OTOP1: variants seen among roughly 807,000 people sequenced by gnomAD.
The protein encoded by OTOP1 is otopetrin 1.
OTOP1 carries 59 observed loss-of-function variants against 52.9 expected under a neutral mutation model. The observed-to-expected ratio is 1.12, with a 90% CI of 0.91 to 1.39. The LOEUF (loss-of-function observed/expected upper bound fraction) is 1.39, where lower values mean the gene tolerates loss of function less well. Among genes scored for constraint, OTOP1 ranks in the 40% most tolerant of loss-of-function variants. The probability of loss-of-function intolerance (pLI) is 0.00; values close to 1 mark genes in which losing one functional copy is unlikely to be tolerated. For missense variants in OTOP1, 761 were observed against 800.9 expected (o/e 0.95, Z 0.60); for synonymous variants, 317 against 337.7 (o/e 0.94, Z 0.67).
chr4:4,202,586 A>T lies in OTOP1; in HGVS notation c.600-8T>A, dbSNP rs1716814229. On this transcript the variant is annotated splice_polypyrimidine_tract_variant and splice_region_variant and intron_variant, in intron 3 of 5. Coordinates refer to ENST00000296358, the MANE Select transcript of OTOP1 (RefSeq NM_177998.3). Reference sequence around the variant, plus strand: ...GAGTGGATCACTCCAAACCTGAAAAACACAAGGACTCAGTTCTCAAGCAGC... The same window carrying T: ...GAGTGGATCACTCCAAACCTGAAAATCACAAGGACTCAGTTCTCAAGCAGC... The T allele has an allele frequency of 2.5e-6, 4 of 1,613,312 alleles. 1 individual carries two copies. Among genetic ancestry groups the T allele is most frequent in the South Asian group, 1.1e-5 (1 of 91,070 alleles).
chr4:4,201,824 C>T (rs944016776), intron 4 of OTOP1, among the ~76,000 whole-genome samples: 89 of 152,242 alleles, frequency 5.8e-4, no homozygotes, highest in Non-Finnish European at 1.0e-3. Flanking sequence ...ACCTGAGACA[C>T]CCAGTTCCCT....
chr4:4,226,427 A>G, intron 1 of OTOP1, 35 bp downstream of exon 1: 1 of 1,392,004 alleles, frequency 7.2e-7, no homozygotes, highest in Non-Finnish European at 9.3e-7. Flanking sequence ...GCGGGCGAGG[A>G]GGCGGAGACC....
At chr4:4,196,888 C>G (rs1003712443) in intron 5 of OTOP1, among the ~76,000 whole-genome samples, 1 of 152,146 alleles carries the variant, frequency 6.6e-6, no homozygotes, top group Non-Finnish European at 1.5e-5. Context: ...CACATGTCCT[C>G]TCTTATAAGT....
intron 2 of OTOP1, among the ~76,000 whole-genome samples, chr4:4,211,906 C>T (rs987012780): frequency 1.1e-4 from 16 of 152,192 alleles, no homozygotes; most frequent in Non-Finnish European, 1.3e-4. Flanking sequence ...TAATGGACAA[C>T]GTGAAGACTA....
intron 5 of OTOP1, among the ~76,000 whole-genome samples, chr4:4,195,673 A>G (rs1716608533): frequency 6.6e-6 from 1 of 152,202 alleles, no homozygotes; most frequent in Non-Finnish European, 1.5e-5. Flanking sequence ...GATTCTCATG[A>G]GATAATTAAA....
At chr4:4,189,584 C>T (rs753170050) in intron 5 of OTOP1, among the ~76,000 whole-genome samples, 2 of 152,190 alleles carry the variant, frequency 1.3e-5, no homozygotes, top group African/African-American at 2.4e-5. Flanking sequence ...GTCCCCACCC[C>T]TTGAGTGTGG....
At chr4:4,201,481 C>CACACACACACAT (rs1479935164) in intron 4 of OTOP1, among the ~76,000 whole-genome samples, 2 of 150,982 alleles carry the variant, frequency 1.3e-5, no homozygotes, top group African/African-American at 4.9e-5. Context: ...TACACACACA[C>CACACACACACAT]ACACACACAC....
chr4:4,200,164 T>G (rs1341387005), intron 4 of OTOP1, among the ~76,000 whole-genome samples: 1 of 152,202 alleles, frequency 6.6e-6, no homozygotes, highest in East Asian at 1.9e-4. Flanking sequence ...CACTTTGTCA[T>G]TGTTTTAGTT....
chr4:4,197,175 G>A lies in OTOP1; in HGVS notation c.1659C>T (p.Cys553=). 1 of 1,602,502 alleles carries A rather than the reference G, an allele frequency of 6.2e-7. No homozygotes were observed. Among genetic ancestry groups the A allele is most frequent in the Non-Finnish European group, 8.5e-7 (1 of 1,173,430 alleles). Residue 553 remains cysteine, a synonymous_variant, in exon 5 of 6, where the codon TGC becomes TGT. Transcript: ENST00000296358. The part of the protein sequence containing the change: ...LRNIAAFLFL[C]NISLWIPPAF... ...ACTTGGTGCAGATTACCGAAATATT[G>A]CAGAGGAACAAGAAGGCTGCAATAT...
chr4:4,195,579 C>T (rs1716606815), intron 5 of OTOP1, among the ~76,000 whole-genome samples: 1 of 152,190 alleles, frequency 6.6e-6, no homozygotes. Flanking sequence ...AGCACCACAC[C>T]ACCCAAGTGA....
At position 4,206,897 on chromosome 4, in the gene OTOP1, C is replaced by T. The variant is rs370782872; in HGVS notation, c.541-767G>A. Among the ~76,000 whole-genome samples, 196 of 152,304 alleles carry T rather than the reference C, an allele frequency of 1.3e-3. 3 individuals carry two copies. In the South Asian group the frequency reaches 0.038, roughly 29 times the overall value. Reference sequence around the variant, plus strand: ...TCTCCACTGTTAACTCACTAATTTACTGAAATTGTCTGAGCTCCTCCTATA... The same window carrying T: ...TCTCCACTGTTAACTCACTAATTTATTGAAATTGTCTGAGCTCCTCCTATA... On this transcript the variant is annotated intron_variant, in intron 2 of 5. Coordinates refer to ENST00000296358, the MANE Select transcript of OTOP1 (RefSeq NM_177998.3).
Position 4,215,450 on chromosome 4 carries a change from T to A in OTOP1, c.404-2446A>T, listed in dbSNP as rs1339210771. On this transcript the variant is annotated intron_variant, in intron 1 of 5. Transcript: ENST00000296358. ...GCTGAGGCGGGTGGATCACCTGAGGTTGGGAGTTCGAGAGCAGCCTGACCA... is the reference window on the plus strand; with the variant it reads ...GCTGAGGCGGGTGGATCACCTGAGGATGGGAGTTCGAGAGCAGCCTGACCA... 2.0e-5 allele frequency among the ~76,000 whole-genome samples: 3 copies of A among 151,934 alleles called. No homozygotes were observed. In the South Asian group the frequency reaches 6.2e-4, roughly 32 times the overall value.
rs1368148744 is a variant in OTOP1, at chr4:4,205,600, G to A, written c.599+472C>T. On this transcript the variant is annotated intron_variant, in intron 3 of 5. Transcript: ENST00000296358. ...TTTGTTAAAATACTGTCGAAGCAAGGCCCCTAAACCACTGCCTTAAGAGAA... is the reference window on the plus strand; with the variant it reads ...TTTGTTAAAATACTGTCGAAGCAAGACCCCTAAACCACTGCCTTAAGAGAA... 2.0e-5 allele frequency among the ~76,000 whole-genome samples: 3 copies of A among 152,074 alleles called. No individual in the cohort carries two copies. The East Asian group carries it at 5.8e-4, about 29-fold the overall frequency.
chr4:4,226,396 A>G, intron 1 of OTOP1, 66 bp downstream of exon 1: 3 of 1,347,696 alleles, frequency 2.2e-6, no homozygotes, highest in Non-Finnish European at 2.9e-6. Context: ...AAGGGCGCAG[A>G]GCAGCCTCAG....
At position 4,197,619 on chromosome 4, in the gene OTOP1, G is replaced by T; in HGVS notation, c.1215C>A (p.Ser405=). 6.2e-7 allele frequency: 1 copy of T among 1,614,028 alleles called. No individual in the cohort carries two copies. Among genetic ancestry groups the T allele is most frequent in the African/African-American group, 1.3e-5 (1 of 75,022 alleles). The change falls in exon 5 of 6, where the codon TCC becomes TCA. Residue 405 remains serine, a synonymous_variant. Coordinates refer to ENST00000296358, the MANE Select transcript of OTOP1 (RefSeq NM_177998.3). ...VGTASGSWLI[S]WGSILAILCA... ...AGAGGATGGCCAAGATTGAGCCCCA[G>T]GAGATAAGCCAGGAGCCCGAGGCAG...
chr4:4,197,458 T>C lies in OTOP1; in HGVS notation c.1376A>G (p.Gln459Arg), dbSNP rs766837617. 3.7e-6 allele frequency: 6 copies of C among 1,613,982 alleles called. No individual in the cohort carries two copies. Among genetic ancestry groups the C allele is most frequent in the Non-Finnish European group, 5.1e-6 (6 of 1,179,960 alleles). Residue 459 changes from glutamine (Q) to arginine (R), a missense_variant, in exon 5 of 6, where the codon CAA becomes CGA. Coordinates refer to ENST00000296358, the MANE Select transcript of OTOP1 (RefSeq NM_177998.3). ...REPEKLSEDI[Q>R]TLRVVTVCNG... ...GCAGACTGTGACCACCCGAAGGGTT[T>C]GGATGTCCTCAGAGAGTTTTTCAGG...
rs1347011860 is a variant in OTOP1, at chr4:4,220,099, ATATATAT to A, written c.403+6356_403+6362del. Among the ~76,000 whole-genome samples the A allele has an allele frequency of 1.1e-4, 9 of 80,034 alleles. No homozygotes were observed. The South Asian group carries it at 3.0e-3, about 27-fold the overall frequency. 52.5% of individuals were successfully genotyped at this position (80,034 alleles called of 152,430 possible). On this transcript the variant is annotated intron_variant, in intron 1 of 5. Transcript: ENST00000296358. ...TGTATACATATATATATATATATAT[ATATATAT>A]TTTTTTTTTTTTTGAGATGGAGTTT... is the stretch of plus-strand genomic sequence containing the variant.
At chr4:4,195,593 G>A (rs2108796206) in intron 5 of OTOP1, among the ~76,000 whole-genome samples, 2 of 152,316 alleles carry the variant, frequency 1.3e-5, no homozygotes, top group South Asian at 4.1e-4. Flanking sequence ...CAAGTGACAA[G>A]ATGAACAGTG....
chr4:4,192,818 C>A (rs1391114994), intron 5 of OTOP1, among the ~76,000 whole-genome samples: 10 of 152,132 alleles, frequency 6.6e-5, no homozygotes, highest in Admixed American at 6.5e-4. Flanking sequence ...CACAAATTCA[C>A]TTATATGAGG....
Sources: gnomAD v4.1 joint callset for allele counts (sites outside exome capture counted in the v4.1 genomes callset) on GRCh38, gnomAD v4.1.1 for gene constraint, MANE v1.5 for transcripts, NCBI Gene and HGNC (gene_info 2026-07-23, HGNC 2026-07-21) for gene names.